The following MDGA2 variants were observed in gnomAD, a reference collection of about 807,000 sequenced individuals.
The protein encoded by MDGA2 is MAM domain-containing glycosylphosphatidylinositol anchor protein 2.
In MDGA2, 40 loss-of-function variants were observed where a neutral mutation model predicts 117.8. The ratio of observed to expected loss-of-function variants is 0.34; its 90% CI spans 0.26 to 0.44. The LOEUF is 0.44. Among genes scored for constraint, MDGA2 ranks in the 20% least tolerant of loss-of-function variants. The probability of loss-of-function intolerance (pLI) is 1.00; values close to 1 mark genes in which losing one functional copy is unlikely to be tolerated. For missense variants in MDGA2, 1,123 were observed against 1,250.6 expected (o/e 0.90, Z 1.54); for synonymous variants, 452 against 439.0 (o/e 1.03, Z -0.37).
At chr14:47,386,185 G>A (rs1282749750) in intron 1 of MDGA2, among the ~76,000 whole-genome samples, 1 of 152,070 alleles carries the variant, frequency 6.6e-6, no homozygotes, top group Non-Finnish European at 1.5e-5. Context: ...AGGAGGCTGA[G>A]GCAGGAGAAT....
chr14:46,953,029 A>G (rs1885424055), intron 9 of MDGA2, among the ~76,000 whole-genome samples: 1 of 151,946 alleles, frequency 6.6e-6, no homozygotes, highest in African/African-American at 2.4e-5. Flanking sequence ...GCAGTATCCC[A>G]GAAGAGAATA....
At chr14:47,170,387 C>T (rs1884071394) in intron 3 of MDGA2, among the ~76,000 whole-genome samples, 1 of 152,060 alleles carries the variant, frequency 6.6e-6, no homozygotes, top group African/African-American at 2.4e-5. Context: ...TTTGTCAGAG[C>T]CAACTATGTG....
intron 1 of MDGA2, among the ~76,000 whole-genome samples, chr14:47,548,139 GTTCT>G (rs1895500973): frequency 2.0e-5 from 3 of 152,010 alleles, no homozygotes; most frequent in Admixed American, 1.3e-4. Flanking sequence ...TTTTACCTGC[GTTCT>G]TTATTACTTC....
chr14:47,461,265 A>ATG (rs1415422668), intron 1 of MDGA2, among the ~76,000 whole-genome samples: 1 of 13,272 alleles, frequency 7.5e-5, no homozygotes, highest in African/African-American at 1.3e-4. Flanking sequence ...AGTTAAAAAA[A>ATG]TGTATGTGTG....
At chr14:47,373,711 G>A (rs1891415619) in intron 1 of MDGA2, among the ~76,000 whole-genome samples, 1 of 151,886 alleles carries the variant, frequency 6.6e-6, no homozygotes. Context: ...TTTTTGGAGG[G>A]GACAGGAGGT....
At chr14:47,104,802 A>G (rs1304691525) in intron 5 of MDGA2, among the ~76,000 whole-genome samples, 2 of 152,036 alleles carry the variant, frequency 1.3e-5, no homozygotes, top group South Asian at 4.1e-4. Flanking sequence ...CAGCCCAAGA[A>G]ACAAACATCT....
At chr14:47,344,784 G>T (rs565360252) in intron 1 of MDGA2, among the ~76,000 whole-genome samples, 1 of 151,926 alleles carries the variant, frequency 6.6e-6, no homozygotes, top group Non-Finnish European at 1.5e-5. Context: ...AAGAGCTGGC[G>T]AAATAGTATA....
chr14:47,195,393 A>G (rs1036213989), intron 3 of MDGA2, among the ~76,000 whole-genome samples: 15 of 152,048 alleles, frequency 9.9e-5, no homozygotes, highest in African/African-American at 3.6e-4. Context: ...AATACCTTTT[A>G]TTAAAATGCA....
chr14:47,008,322 T>A (rs2138521081), intron 8 of MDGA2, among the ~76,000 whole-genome samples: 1 of 151,908 alleles, frequency 6.6e-6, no homozygotes, highest in South Asian at 2.1e-4. Flanking sequence ...TCCTAACAGG[T>A]AGTGTTGGCA....
At chr14:47,310,230 G>A (rs1333894546) in intron 1 of MDGA2, among the ~76,000 whole-genome samples, 3 of 151,878 alleles carry the variant, frequency 2.0e-5, no homozygotes, top group African/African-American at 4.8e-5. Context: ...ATGTTTTAGA[G>A]ATGAAAAAAA....
At chr14:47,033,992 CAA>C (rs2138641942) in intron 8 of MDGA2, among the ~76,000 whole-genome samples, 1 of 152,302 alleles carries the variant, frequency 6.6e-6, no homozygotes, top group Admixed American at 6.5e-5. Flanking sequence ...TCCTGAGTTA[CAA>C]AAGAGTCAGA....
At chr14:47,518,202 A>C (rs1894794452) in intron 1 of MDGA2, among the ~76,000 whole-genome samples, 1 of 152,186 alleles carries the variant, frequency 6.6e-6, no homozygotes, top group African/African-American at 2.4e-5. Flanking sequence ...GAATACTGTA[A>C]CCAGAAAAAC....
chr14:47,513,721 A>C (rs1449478434), intron 1 of MDGA2, among the ~76,000 whole-genome samples: 1 of 152,090 alleles, frequency 6.6e-6, no homozygotes, highest in East Asian at 1.9e-4. Flanking sequence ...AAGAAACTAA[A>C]AGTACATTAA....
At chr14:46,898,474 C>T (rs1052615052) in intron 10 of MDGA2, among the ~76,000 whole-genome samples, 1 of 151,884 alleles carries the variant, frequency 6.6e-6, no homozygotes, top group South Asian at 2.1e-4. Flanking sequence ...AAGAGGAGGA[C>T]AATGTTTGAG....
At chr14:47,443,329 C>T (rs985666613) in intron 1 of MDGA2, among the ~76,000 whole-genome samples, 2 of 152,018 alleles carry the variant, frequency 1.3e-5, no homozygotes, top group Admixed American at 1.3e-4. Flanking sequence ...GACATGTGTT[C>T]CAATTGGTGG....
intron 7 of MDGA2, chr14:47,058,569 C>T: frequency 2.0e-6 from 2 of 984,834 alleles, no homozygotes; most frequent in Non-Finnish European, 2.4e-6. Flanking sequence ...AAACTATATC[C>T]TAGAATACAC....
intron 1 of MDGA2, among the ~76,000 whole-genome samples, chr14:47,597,380 T>C (rs1056646096): frequency 1.3e-5 from 2 of 152,132 alleles, no homozygotes; most frequent in South Asian, 2.1e-4. Context: ...AAAAATATTA[T>C]AGGTGACAAT....
intron 3 of MDGA2, among the ~76,000 whole-genome samples, chr14:47,149,287 C>A (rs2139222426): frequency 6.6e-6 from 1 of 152,144 alleles, no homozygotes; most frequent in Middle Eastern, 3.4e-3. Flanking sequence ...GAGACTCTGT[C>A]TCAAAAACAA....
intron 10 of MDGA2, among the ~76,000 whole-genome samples, chr14:46,914,283 T>C (rs1197786453): frequency 6.6e-6 from 1 of 152,122 alleles, no homozygotes; most frequent in East Asian, 1.9e-4. Context: ...TTAATAGCTG[T>C]CTAAGGAGAT....
Sources: gnomAD v4.1 joint callset for allele counts (sites outside exome capture counted in the v4.1 genomes callset) on GRCh38, gnomAD v4.1.1 for gene constraint, MANE v1.5 for transcripts, NCBI Gene and HGNC (gene_info 2026-07-23, HGNC 2026-07-21) for gene names.